The following CAMTA1 variants were observed in gnomAD, a reference collection of about 807,000 sequenced individuals.
CAMTA1 encodes calmodulin-binding transcription activator 1.
CAMTA1 carries 27 observed loss-of-function variants against 170.9 expected under a neutral mutation model. The ratio of observed to expected loss-of-function variants is 0.16; its 90% CI spans 0.12 to 0.22. CAMTA1 has a LOEUF of 0.22. Ranked by LOEUF, CAMTA1 falls within the 10% of genes least tolerant of loss-of-function variation. CAMTA1 has a pLI of 1.00. For synonymous variants in CAMTA1, 833 were observed against 891.5 expected (o/e 0.93, Z 1.17); for missense variants, 1,619 against 2,217.2 (o/e 0.73, Z 5.42).
chr1:7,699,060 TCTATA>T (rs2096410154), intron 11 of CAMTA1, among the ~76,000 whole-genome samples: 1 of 152,246 alleles, frequency 6.6e-6, no homozygotes, highest in Non-Finnish European at 1.5e-5. Flanking sequence ...TGATTTCTAT[TCTATA>T]CTTCTTCATT....
chr1:7,337,469 G>T (rs147534729), intron 5 of CAMTA1, among the ~76,000 whole-genome samples: 3 of 151,876 alleles, frequency 2.0e-5, no homozygotes, highest in Non-Finnish European at 4.4e-5. Context: ...TTGACCCTCC[G>T]TAATGTGCAT....
intron 3 of CAMTA1, among the ~76,000 whole-genome samples, chr1:6,914,332 A>G (rs1036112817): frequency 5.3e-5 from 8 of 151,976 alleles, no homozygotes; most frequent in East Asian, 1.9e-4. Flanking sequence ...TTGAACTCCT[A>G]CCTCAGGTGA....
At chr1:6,847,862 C>G (rs1408716286) in intron 3 of CAMTA1, among the ~76,000 whole-genome samples, 1 of 147,134 alleles carries the variant, frequency 6.8e-6, no homozygotes, top group African/African-American at 2.5e-5. Context: ...CATGTGGCAC[C>G]CAGCTAATTT....
intron 20 of CAMTA1, 116 bp downstream of exon 20, chr1:7,751,508 GT>G: frequency 1.2e-6 from 1 of 815,188 alleles, no homozygotes; most frequent in Non-Finnish European, 1.8e-6. Context: ...AGCATTGGCA[GT>G]CACTGTGTTC....
chr1:6,885,540 C>T (rs1389894930), intron 3 of CAMTA1, among the ~76,000 whole-genome samples: 2 of 152,212 alleles, frequency 1.3e-5, no homozygotes, highest in Non-Finnish European at 2.9e-5. Flanking sequence ...GTAGCCTTAA[C>T]CAGGGCAGGT....
chr1:6,875,028 C>T (rs1669437091), intron 3 of CAMTA1, among the ~76,000 whole-genome samples: 3 of 152,202 alleles, frequency 2.0e-5, no homozygotes. Context: ...TAATCATCCA[C>T]ATTTACCTAC....
intron 3 of CAMTA1, among the ~76,000 whole-genome samples, chr1:7,053,980 G>A (rs1315354428): frequency 6.6e-6 from 1 of 152,224 alleles, no homozygotes; most frequent in East Asian, 1.9e-4. Flanking sequence ...TTGGGGACTT[G>A]CTGCTCCTGC....
At chr1:7,573,408 G>A (rs1346624703) in intron 6 of CAMTA1, among the ~76,000 whole-genome samples, 3 of 152,214 alleles carry the variant, frequency 2.0e-5, no homozygotes, top group Non-Finnish European at 2.9e-5. Flanking sequence ...AGCTGCTTCC[G>A]TGCCATCCAG....
At chr1:7,750,910 C>A in intron 19 of CAMTA1, 1 of 517,358 alleles carries the variant, frequency 1.9e-6, no homozygotes, top group Admixed American at 2.8e-5. Flanking sequence ...GATTCATAAA[C>A]GTCTAAGGGT....
chr1:7,473,356 TG>T (rs764353637), intron 6 of CAMTA1, among the ~76,000 whole-genome samples: 14 of 152,172 alleles, frequency 9.2e-5, no homozygotes, highest in Non-Finnish European at 1.3e-4. Flanking sequence ...CAGCTGGGGC[TG>T]GGGCAGCTCC....
chr1:7,166,478 T>A (rs1648459412), intron 4 of CAMTA1, among the ~76,000 whole-genome samples: 1 of 152,240 alleles, frequency 6.6e-6, no homozygotes, highest in Non-Finnish European at 1.5e-5. Flanking sequence ...TGGTCCCAAC[T>A]ACAAGTGGAG....
intron 6 of CAMTA1, 77 bp from the exon 7 acceptor site, chr1:7,640,323 C>T: frequency 6.5e-7 from 1 of 1,540,106 alleles, no homozygotes; most frequent in African/African-American, 1.4e-5. Context: ...CTGCCTGCAC[C>T]TGCGGGGTTG....
At chr1:7,217,251 T>C (rs916534929) in intron 4 of CAMTA1, among the ~76,000 whole-genome samples, 1 of 152,228 alleles carries the variant, frequency 6.6e-6, no homozygotes, top group African/African-American at 2.4e-5. Context: ...CCTGTCGCCA[T>C]GTGAAGAAGG....
At chr1:7,622,342 A>G (rs2095604390) in intron 6 of CAMTA1, among the ~76,000 whole-genome samples, 1 of 152,182 alleles carries the variant, frequency 6.6e-6, no homozygotes, top group Non-Finnish European at 1.5e-5. Context: ...GTGAAATTTG[A>G]TCTAACTTCC....
intron 11 of CAMTA1, among the ~76,000 whole-genome samples, chr1:7,702,787 G>C (rs924612351): frequency 6.6e-6 from 1 of 152,142 alleles, no homozygotes; most frequent in Non-Finnish European, 1.5e-5. Flanking sequence ...CCCAGGTCGA[G>C]ATTAAAACAG....
At chr1:7,152,112 G>C (rs1646612776) in intron 4 of CAMTA1, among the ~76,000 whole-genome samples, 1 of 152,156 alleles carries the variant, frequency 6.6e-6, no homozygotes, top group African/African-American at 2.4e-5. Context: ...GATTCTGTCT[G>C]AAGTGAAAAA....
At chr1:6,968,125 G>A (rs974431276) in intron 3 of CAMTA1, among the ~76,000 whole-genome samples, 4 of 152,148 alleles carry the variant, frequency 2.6e-5, no homozygotes, top group African/African-American at 9.7e-5. Context: ...TGGAACCCAC[G>A]AATTCCGTTG....
At chr1:7,703,332 C>A (rs894256983) in intron 11 of CAMTA1, among the ~76,000 whole-genome samples, 1 of 152,136 alleles carries the variant, frequency 6.6e-6, no homozygotes, top group Non-Finnish European at 1.5e-5. Context: ...TAGACAGGTG[C>A]AGTGGGAATA....
At chr1:7,276,295 A>ATTTTTTTT (rs1558345332) in intron 5 of CAMTA1, among the ~76,000 whole-genome samples, 4 of 21,260 alleles carry the variant, frequency 1.9e-4, no homozygotes, top group South Asian at 2.5e-3. Flanking sequence ...ATATATATAT[A>ATTTTTTTT]TATATATATT....
Sources: allele counts gnomAD v4.1 joint callset (sites outside exome capture counted in the v4.1 genomes callset), GRCh38; gene constraint gnomAD v4.1.1; transcripts MANE v1.5; gene names NCBI Gene and HGNC (gene_info 2026-07-23, HGNC 2026-07-21).